The following NEDD4 variants were observed in gnomAD, a reference collection of about 807,000 sequenced individuals.
NEDD4 encodes E3 ubiquitin-protein ligase NEDD4.
Under a neutral mutation model 144.9 loss-of-function variants are expected in NEDD4, and 99 were observed. The ratio of observed to expected loss-of-function variants is 0.68; its 90% confidence interval spans 0.58 to 0.81. The LOEUF is 0.81. NEDD4 is among the 30% of genes least tolerant of loss of function. The pLI is 0.00. For missense variants in NEDD4, 985 were observed against 1,065.9 expected (o/e 0.92, Z 1.06); for synonymous variants, 318 against 350.6 (o/e 0.91, Z 1.04).
At position 55,830,405 on chromosome 15, in the gene NEDD4, T is replaced by TA. The variant is rs1309772999; in HGVS notation, c.2600+108dup. 19 of 982,484 alleles carry TA rather than the reference T, an allele frequency of 1.9e-5. No individual in the cohort carries two copies. The Middle Eastern group carries it at 1.1e-3, about 55-fold the overall frequency. 60.9% of individuals were successfully genotyped at this position (982,484 alleles called of 1,614,324 possible). On this transcript the variant is annotated intron_variant, in intron 28 of 28. Coordinates refer to ENST00000435532, the MANE Select transcript of NEDD4 (RefSeq NM_006154.4). ...CCAACTCCTTCTTACCCATAATCCA[T>TA]ACCTGCCACCGACATAACACAGAGG...
At chr15:55,940,116 C>A (rs920434745) in intron 4 of NEDD4, among the ~76,000 whole-genome samples, 20 of 152,062 alleles carry the variant, frequency 1.3e-4, no homozygotes, top group African/African-American at 4.1e-4. Flanking sequence ...CCCAGAAGAA[C>A]AAATACTGAC....
chr15:55,914,579 AGAGT>A (rs1375577722), intron 5 of NEDD4, among the ~76,000 whole-genome samples: 4 of 151,986 alleles, frequency 2.6e-5, no homozygotes, highest in Non-Finnish European at 5.9e-5. Flanking sequence ...TATTGTTGAA[AGAGT>A]GAGTTACATT....
chr15:55,933,382 A>G (rs1012006437), intron 4 of NEDD4, among the ~76,000 whole-genome samples: 21 of 152,024 alleles, frequency 1.4e-4, no homozygotes, highest in African/African-American at 5.1e-4. Context: ...CCTTGTAGGG[A>G]CATGGATGAA....
At chr15:55,847,168 A>G in intron 17 of NEDD4, 134 bp from the exon 18 acceptor site, 1 of 490,956 alleles carries the variant, frequency 2.0e-6, no homozygotes, top group Non-Finnish European at 3.6e-6. Context: ...AATTAGAAGA[A>G]AAACAAATAC....
intron 5 of NEDD4, among the ~76,000 whole-genome samples, chr15:55,902,751 C>G (rs2035950653): frequency 6.6e-6 from 1 of 151,628 alleles, no homozygotes; most frequent in African/African-American, 2.4e-5. Context: ...TTATAGGAGG[C>G]AGAAAACAAA....
chr15:55,944,146 G>A (rs199792098), intron 4 of NEDD4, among the ~76,000 whole-genome samples: 1 of 152,328 alleles, frequency 6.6e-6, no homozygotes, highest in South Asian at 2.1e-4. Flanking sequence ...TGGACAGTGG[G>A]TGCAGCCCAC....
intron 4 of NEDD4, among the ~76,000 whole-genome samples, chr15:55,926,649 C>G (rs567215725): frequency 3.9e-5 from 6 of 152,200 alleles, no homozygotes; most frequent in African/African-American, 1.4e-4. Flanking sequence ...GCCTATAGTC[C>G]CAGCTACTCA....
intron 4 of NEDD4, among the ~76,000 whole-genome samples, chr15:55,933,092 C>G (rs1282820198): frequency 1.3e-5 from 2 of 152,152 alleles, no homozygotes; most frequent in African/African-American, 4.8e-5. Context: ...GGACTGTAAA[C>G]TAGTTCAACC....
intron 5 of NEDD4, among the ~76,000 whole-genome samples, chr15:55,885,288 A>G (rs2035346119): frequency 6.6e-6 from 1 of 152,210 alleles, no homozygotes; most frequent in Admixed American, 6.5e-5. Context: ...CCTGTCCTAC[A>G]AGAAATGCTA....
rs960586424 is a variant in NEDD4 at position 55,915,686 on chromosome 15, T to C, written c.291+8960A>G. ...CACAGTCTAATGTAGCTGCTTTTCGTTGGGTGAAATGCACTGAAACACAAG... is the reference window on the plus strand; with the variant it reads ...CACAGTCTAATGTAGCTGCTTTTCGCTGGGTGAAATGCACTGAAACACAAG... On this transcript the variant is annotated intron_variant, in intron 5 of 28. Coordinates refer to ENST00000435532, the MANE Select transcript of NEDD4 (RefSeq NM_006154.4). 3.1e-6 allele frequency: 5 copies of C among 1,613,880 alleles called. No homozygotes were observed. In the East Asian group the frequency reaches 1.1e-4, roughly 36 times the overall value.
chr15:55,915,396 CCTT>C, intron 5 of NEDD4: 1 of 1,613,766 alleles, frequency 6.2e-7, no homozygotes, highest in South Asian at 1.1e-5. Flanking sequence ...AGATGGTCCC[CCTT>C]TAGAACAATT....
At chr15:55,936,657 G>A (rs906373511) in intron 4 of NEDD4, among the ~76,000 whole-genome samples, 2 of 152,148 alleles carry the variant, frequency 1.3e-5, no homozygotes, top group African/African-American at 4.8e-5. Flanking sequence ...GTAGGAAATG[G>A]GGTGAGGCTT....
At chr15:55,901,349 C>T (rs909327471) in intron 5 of NEDD4, among the ~76,000 whole-genome samples, 2 of 152,142 alleles carry the variant, frequency 1.3e-5, no homozygotes, top group African/African-American at 2.4e-5. Context: ...TTTAGAACTA[C>T]CAATTATTGG....
At chr15:55,916,396 T>C (rs773807279) in intron 5 of NEDD4, 9 of 1,613,960 alleles carry the variant, frequency 5.6e-6, no homozygotes, top group Non-Finnish European at 7.6e-6. Context: ...CCACTACAAA[T>C]GGCTGGACTG....
intron 4 of NEDD4, among the ~76,000 whole-genome samples, chr15:55,937,083 G>A (rs927926427): frequency 2.3e-4 from 35 of 152,116 alleles, no homozygotes; most frequent in Admixed American, 1.3e-4. Flanking sequence ...ATGAGCCACC[G>A]TGCCTGGCCA....
intron 1 of NEDD4, among the ~76,000 whole-genome samples, chr15:55,980,211 G>T (rs1255398332): frequency 1.3e-5 from 2 of 152,194 alleles, no homozygotes; most frequent in African/African-American, 4.8e-5. Context: ...GGGATTTCAG[G>T]CGTGAGCCAC....
chr15:55,974,891 C>CTTTTTTTTTTTTTTTT (rs56285555), intron 1 of NEDD4, among the ~76,000 whole-genome samples: 1,812 of 75,512 alleles, frequency 0.024, 229 homozygotes, highest in Non-Finnish European at 0.028. Flanking sequence ...CTTTTCCTTT[C>CTTTTTTTTTTTTTTTT]TTTTTTTTTT....
intron 4 of NEDD4, among the ~76,000 whole-genome samples, chr15:55,937,350 TG>T (rs2036914397): frequency 6.6e-6 from 1 of 152,148 alleles, no homozygotes; most frequent in South Asian, 2.1e-4. Context: ...ATGATATAAA[TG>T]ACAAAGAGGA....
rs147110381 is a variant in NEDD4, at chr15:55,871,484, C to T, written c.404+931G>A. On this transcript the variant is annotated intron_variant, in intron 7 of 28. Coordinates refer to ENST00000435532, the MANE Select transcript of NEDD4 (RefSeq NM_006154.4). ...TTGAAAAGCAGGCTGCTAGGACAAT[C>T]AAATAAGAAAAAACAATTTAGTTAT... Among the ~76,000 whole-genome samples, 421 of 152,112 alleles carry T rather than the reference C, an allele frequency of 2.8e-3. 12 individuals carry two copies. The highest frequency in any genetic ancestry group is 0.022 in the East Asian group (115 of 5,180).
Sources: gnomAD v4.1 joint callset for allele counts (sites outside exome capture counted in the v4.1 genomes callset) on GRCh38, gnomAD v4.1.1 for gene constraint, MANE v1.5 for transcripts, NCBI Gene and HGNC (gene_info 2026-07-23, HGNC 2026-07-21) for gene names.